The following SEMA5A variants were observed in gnomAD, a reference collection of about 807,000 sequenced individuals.
SEMA5A encodes semaphorin 5A, also known as semaphorin-5A.
In SEMA5A, 55 loss-of-function variants were observed where a neutral mutation model predicts 135.5. That is an observed-to-expected ratio of 0.41 (90% confidence interval 0.33 to 0.51). SEMA5A has a LOEUF of 0.51. SEMA5A is among the 20% of genes least tolerant of loss of function. SEMA5A has a pLI of 0.37. For missense variants in SEMA5A, 1,290 were observed against 1,419.9 expected, an observed-to-expected ratio of 0.91 and a Z score of 1.47; for synonymous variants, 580 against 546.5, an observed-to-expected ratio of 1.06 and a Z score of -0.85.
At chr5:9,513,273 A>G (rs1579664160) in intron 1 of SEMA5A, among the ~76,000 whole-genome samples, 2 of 152,174 alleles carry the variant, frequency 1.3e-5, no homozygotes, top group East Asian at 3.9e-4. Context: ...GTATTAAACC[A>G]GAAAACTTTA....
chr5:9,123,700 CA>C (rs2150188626), intron 13 of SEMA5A, among the ~76,000 whole-genome samples: 1 of 152,286 alleles, frequency 6.6e-6, no homozygotes, highest in African/African-American at 2.4e-5. Flanking sequence ...GTTTGGCTCT[CA>C]AACTGAAAGC....
At chr5:9,308,353 G>A (rs1470442753) in intron 5 of SEMA5A, among the ~76,000 whole-genome samples, 2 of 152,118 alleles carry the variant, frequency 1.3e-5, no homozygotes, top group Non-Finnish European at 2.9e-5. Flanking sequence ...GAACAAGGGA[G>A]AGTTGGTTAT....
chr5:9,305,694 C>CTGTGTGTGTG (rs888490559), intron 5 of SEMA5A, among the ~76,000 whole-genome samples: 1 of 104,652 alleles, frequency 9.6e-6, no homozygotes, highest in Non-Finnish European at 2.0e-5. Context: ...AGTATATATA[C>CTGTGTGTGTG]TGTGTGTGTG....
intron 2 of SEMA5A, among the ~76,000 whole-genome samples, chr5:9,412,250 T>C (rs1013638831): frequency 1.3e-5 from 2 of 151,942 alleles, no homozygotes; most frequent in African/African-American, 4.8e-5. Flanking sequence ...GGTTACAGAA[T>C]ACCCTTTCCT....
chr5:9,544,319 C>T (rs1024581035), intron 1 of SEMA5A, among the ~76,000 whole-genome samples: 1 of 152,202 alleles, frequency 6.6e-6, no homozygotes, highest in African/African-American at 2.4e-5. Flanking sequence ...TATCTTCCCT[C>T]AATTTCGATT....
intron 8 of SEMA5A, among the ~76,000 whole-genome samples, chr5:9,211,020 C>A (rs1452070458): frequency 6.6e-6 from 1 of 152,168 alleles, no homozygotes; most frequent in Non-Finnish European, 1.5e-5. Flanking sequence ...TGCAGCCATC[C>A]CACAAGGCAT....
At chr5:9,066,702 GA>G in intron 16 of SEMA5A, 56 bp from the exon 17 acceptor site, 1 of 1,467,738 alleles carries the variant, frequency 6.8e-7, no homozygotes, top group Non-Finnish European at 9.5e-7. Context: ...GCAACCTCAC[GA>G]AGGGCTCCTT....
At chr5:9,211,364 C>T (rs551164200) in intron 8 of SEMA5A, among the ~76,000 whole-genome samples, 1 of 152,132 alleles carries the variant, frequency 6.6e-6, no homozygotes, top group African/African-American at 2.4e-5. Context: ...TTTTGGTACC[C>T]ACATATACTT....
chr5:9,340,609 G>GA (rs1190021808), intron 3 of SEMA5A, among the ~76,000 whole-genome samples: 1 of 151,984 alleles, frequency 6.6e-6, no homozygotes, highest in African/African-American at 2.4e-5. Context: ...ATGTACAGAG[G>GA]AAAAAATGAG....
intron 16 of SEMA5A, among the ~76,000 whole-genome samples, chr5:9,077,652 T>C (rs1415675666): frequency 2.0e-5 from 3 of 152,208 alleles, no homozygotes; most frequent in African/African-American, 7.2e-5. Context: ...CTCCCAAGCA[T>C]GTGAGCTTCC....
At chr5:9,086,963 T>C (rs1156996721) in intron 16 of SEMA5A, among the ~76,000 whole-genome samples, 1 of 152,202 alleles carries the variant, frequency 6.6e-6, no homozygotes, top group Non-Finnish European at 1.5e-5. Context: ...TTAACTTAAG[T>C]TTTAGACTGT....
intron 16 of SEMA5A, among the ~76,000 whole-genome samples, chr5:9,082,962 AT>A (rs1738471054): frequency 6.6e-6 from 1 of 152,202 alleles, no homozygotes; most frequent in African/African-American, 2.4e-5. Context: ...CCAAAGGAAA[AT>A]TATCTTCTAA....
intron 5 of SEMA5A, among the ~76,000 whole-genome samples, chr5:9,255,486 C>T (rs1465875473): frequency 1.3e-5 from 2 of 152,202 alleles, no homozygotes; most frequent in African/African-American, 4.8e-5. Context: ...CAACAATTCA[C>T]TACAGCTCTT....
Position 9,119,852 on chromosome 5 carries a change from A to G in SEMA5A, c.1782-711T>C, listed in dbSNP as rs969673330. ...TGCAAATAAGAAGTGCAAATTGCATATAACTAACCATGTGTATTTATGTTA... is the reference window on the plus strand; with the variant it reads ...TGCAAATAAGAAGTGCAAATTGCATGTAACTAACCATGTGTATTTATGTTA... On this transcript the variant is annotated intron_variant, in intron 14 of 22. Transcript: ENST00000382496. 7.2e-5 allele frequency among the ~76,000 whole-genome samples: 11 copies of G among 152,208 alleles called. 1 individual carries two copies. The highest frequency in any genetic ancestry group is 5.8e-4 in the East Asian group (3 of 5,208).
chr5:9,255,840 C>T (rs912633370), intron 5 of SEMA5A, among the ~76,000 whole-genome samples: 11 of 152,136 alleles, frequency 7.2e-5, no homozygotes, highest in South Asian at 4.1e-4. Context: ...CTTGGCATAT[C>T]CAAAAGCATC....
chr5:9,129,273 A>G (rs1741277714), intron 13 of SEMA5A, among the ~76,000 whole-genome samples: 1 of 152,276 alleles, frequency 6.6e-6, no homozygotes, highest in African/African-American at 2.4e-5. Context: ...AATCACAGTG[A>G]GAACACACAG....
At chr5:9,089,302 G>A (rs1197033917) in intron 16 of SEMA5A, among the ~76,000 whole-genome samples, 1 of 152,018 alleles carries the variant, frequency 6.6e-6, no homozygotes, top group African/African-American at 2.4e-5. Flanking sequence ...TTTGTTCAAT[G>A]GTGTTCAAAA....
intron 5 of SEMA5A, among the ~76,000 whole-genome samples, chr5:9,312,787 T>A (rs1752201939): frequency 6.6e-6 from 1 of 152,182 alleles, no homozygotes; most frequent in African/African-American, 2.4e-5. Context: ...TACTGTTGAC[T>A]CCATGTCCAA....
At chr5:9,163,148 G>T (rs1044134813) in intron 11 of SEMA5A, among the ~76,000 whole-genome samples, 3 of 151,984 alleles carry the variant, frequency 2.0e-5, no homozygotes, top group Non-Finnish European at 4.4e-5. Flanking sequence ...TCTAAAGGAT[G>T]CCAAGCCCAG....
Sources: gnomAD v4.1 joint callset for allele counts (sites outside exome capture counted in the v4.1 genomes callset) on GRCh38, gnomAD v4.1.1 for gene constraint, MANE v1.5 for transcripts, NCBI Gene and HGNC (gene_info 2026-07-23, HGNC 2026-07-21) for gene names.